COQ9: variants seen among roughly 807,000 people sequenced by gnomAD.
COQ9 encodes the protein ubiquinone biosynthesis protein COQ9, mitochondrial.
In COQ9, 35 loss-of-function variants were observed where a neutral mutation model predicts 42.4. The ratio of observed to expected loss-of-function variants is 0.83; its 90% CI spans 0.63 to 1.10. The LOEUF (loss-of-function observed/expected upper bound fraction) is 1.10. COQ9 is among the 50% of genes least tolerant of loss of function. The probability of loss-of-function intolerance (pLI) is 0.00; values close to 1 mark genes in which losing one functional copy is unlikely to be tolerated. For missense variants in COQ9, 406 were observed against 414.6 expected (o/e 0.98, Z 0.18); for synonymous variants, 155 against 155.1 (o/e 1.00, Z 0.00).
At position 57,456,971 on chromosome 16, in the gene COQ9, A is replaced by G; in HGVS notation, c.562A>G (p.Thr188Ala). The change falls in exon 5 of 9, where the codon ACC becomes GCC. Residue 188 changes from threonine (T) to alanine (A), a missense_variant. By Grantham distance (58) the Thr-to-Ala change is moderately conservative. Transcript: ENST00000262507. ...TDQFLRDAVE[T>A]RLRMLIPYIE... Reference sequence around the variant, plus strand: ...CCAGTTCCTGAGGGATGCAGTGGAAACCAGACTGAGAATGCTGATCCCATA... The same window carrying G: ...CCAGTTCCTGAGGGATGCAGTGGAAGCCAGACTGAGAATGCTGATCCCATA... 6.2e-7 allele frequency: 1 copy of G among 1,614,158 alleles called. No homozygotes were observed. Among genetic ancestry groups the G allele is most frequent in the South Asian group, 1.1e-5 (1 of 91,084 alleles).
In COQ9 at chr16:57,460,033, G is replaced by T; in HGVS notation, c.868-18G>T. ...TTGTGTTGGTGGCCTAAGGGAACCT[G>T]ACACTGACTCCTTCTAGGTAAAGTC... On this transcript the variant is annotated intron_variant, in intron 7 of 8. Transcript: ENST00000262507. 6.2e-7 allele frequency: 1 copy of T among 1,613,702 alleles called. No homozygotes were observed. The highest frequency in any genetic ancestry group is 1.1e-5 in the South Asian group (1 of 91,014).
chr16:57,454,757 G>A (rs1156564515), intron 3 of COQ9, among the ~76,000 whole-genome samples: 1 of 152,104 alleles, frequency 6.6e-6, no homozygotes, highest in Non-Finnish European at 1.5e-5. Context: ...GTAGGAGATG[G>A]ACAAGTCCAA....
At chr16:57,458,482 G>T in intron 6 of COQ9, 132 bp downstream of exon 6, 1 of 734,604 alleles carries the variant, frequency 1.4e-6, no homozygotes. Flanking sequence ...TCTAAGGTAT[G>T]AGGAAGGTCC....
intron 8 of COQ9, 71 bp from the exon 9 acceptor site, chr16:57,460,518 A>C: frequency 7.1e-7 from 1 of 1,403,830 alleles, no homozygotes; most frequent in Non-Finnish European, 1.0e-6. Flanking sequence ...AAGAAAAGCT[A>C]GGTCTTTTCT....
chr16:57,456,862 A>G, intron 4 of COQ9, 69 bp from the exon 5 acceptor site: 2 of 1,447,724 alleles, frequency 1.4e-6, no homozygotes, highest in Non-Finnish European at 1.9e-6. Flanking sequence ...CCTAGGGCTG[A>G]GTAAACCGTG....
intron 6 of COQ9, 98 bp from the exon 7 acceptor site, chr16:57,459,464 CAAG>C: frequency 8.5e-7 from 1 of 1,173,724 alleles, no homozygotes. Flanking sequence ...CTGTGACAGT[CAAG>C]AAGTAGTCAA....
At chr16:57,451,883 T>G (rs2030297139) in intron 2 of COQ9, among the ~76,000 whole-genome samples, 1 of 152,220 alleles carries the variant, frequency 6.6e-6, no homozygotes, top group Non-Finnish European at 1.5e-5. Context: ...GAATCTCTCC[T>G]TAGAAGTGGG....
chr16:57,452,069 C>T (rs2030302046), intron 2 of COQ9, among the ~76,000 whole-genome samples: 1 of 152,104 alleles, frequency 6.6e-6, no homozygotes, highest in Non-Finnish European at 1.5e-5. Context: ...TTCTGATTTC[C>T]TAACTAAAGT....
In COQ9 at chr16:57,458,361, T is replaced by C; in HGVS notation, c.711+11T>C. On this transcript the variant is annotated intron_variant, in intron 6 of 8. Coordinates refer to ENST00000262507, the MANE Select transcript of COQ9 (RefSeq NM_020312.4). The stretch of plus-strand genomic sequence containing the variant: ...GACCAGTCCACTGATGTGAGTGCTT[T>C]CTGCAGGCCCACAGGAGGCTGGGAA... 1 of 1,578,744 alleles carries C rather than the reference T, an allele frequency of 6.3e-7. No individual in the cohort carries two copies. Among genetic ancestry groups the C allele is most frequent in the Non-Finnish European group, 8.7e-7 (1 of 1,149,990 alleles).
At position 57,452,854 on chromosome 16, in the gene COQ9, T is replaced by TGCA. The variant is rs1316076838; in HGVS notation, c.300_302dup (p.Gln100dup). On this transcript the variant is annotated inframe_insertion, in exon 3 of 9. Transcript: ENST00000262507. ...GAGGACTATGAAAGTGAGGAGCAGT[T>TGCA]GCAGCACCGCATCCTGACGGCAGCC... is the stretch of plus-strand genomic sequence containing the variant. The TGCA allele has an allele frequency of 1.2e-6, 2 of 1,613,646 alleles. No homozygotes were observed. The highest frequency in any genetic ancestry group is 3.3e-5 in the Admixed American group (2 of 60,002).
chr16:57,450,234 C>T (rs989428998), intron 1 of COQ9, among the ~76,000 whole-genome samples: 1 of 151,856 alleles, frequency 6.6e-6, no homozygotes, highest in Admixed American at 6.5e-5. Flanking sequence ...GCCAACATGG[C>T]GAAACTCCGT....
Position 57,456,508 on chromosome 16 carries a change from TG to T in COQ9, c.386del (p.Gly129ValfsTer17). ...TTTCTGTCTCCCCTTTTGTAGTCTC[TG>T]GGTCTCTCCAGTGCAGCAGCCAGCA... ...AEAIAEGAQS[L>X]GLSSAAASMF... On this transcript the variant is annotated frameshift_variant, in exon 4 of 9. Coordinates refer to ENST00000262507, the MANE Select transcript of COQ9 (RefSeq NM_020312.4). LOFTEE classifies it high-confidence loss of function. The T allele has an allele frequency of 6.2e-7, 1 of 1,614,170 alleles. No homozygotes were observed. The highest frequency in any genetic ancestry group is 1.1e-5 in the South Asian group (1 of 91,086).
chr16:57,451,021 T>A lies in COQ9; in HGVS notation c.74-19T>A. 6.2e-7 allele frequency: 1 copy of A among 1,613,450 alleles called. No homozygotes were observed. Among genetic ancestry groups the A allele is most frequent in the Non-Finnish European group, 8.5e-7 (1 of 1,179,952 alleles). On this transcript the variant is annotated intron_variant, in intron 1 of 8. Transcript: ENST00000262507. The stretch of plus-strand genomic sequence containing the variant: ...GTCTTCTCTGTTGAATGTCCCTGAC[T>A]GACCAGTTTCTGTTTCAGTGGCCCG...
chr16:57,456,374 C>G, intron 3 of COQ9, 130 bp from the exon 4 acceptor site: 1 of 1,113,228 alleles, frequency 9.0e-7, no homozygotes, highest in Non-Finnish European at 1.4e-6. Flanking sequence ...TCAGTTTCAC[C>G]AAAATCACAT....
intron 1 of COQ9, chr16:57,447,925 G>A (rs1221951450): frequency 4.5e-6 from 1 of 220,398 alleles, no homozygotes; most frequent in Non-Finnish European, 8.9e-6. Context: ...TCCACTGGAA[G>A]GACAGGTGGA....
chr16:57,453,815 A>C (rs1188322108), intron 3 of COQ9: 1 of 152,272 alleles, frequency 6.6e-6, no homozygotes. Flanking sequence ...CATACTATCA[A>C]CATTTATGCC....
Position 57,452,931 on chromosome 16 carries a change from G to T in COQ9, c.373G>T (p.Ala125Ser). The T allele has an allele frequency of 1.2e-6, 2 of 1,613,502 alleles. No homozygotes were observed. Among genetic ancestry groups the T allele is most frequent in the South Asian group, 2.2e-5 (2 of 91,046 alleles). Residue 125 changes from alanine (A) to serine (S), a missense_variant, in exon 3 of 9, where the codon GCC becomes TCC. Physicochemically the swap from Ala to Ser is moderately conservative, Grantham distance 99 (BLOSUM62 1). Coordinates refer to ENST00000262507, the MANE Select transcript of COQ9 (RefSeq NM_020312.4). ...GWTAEAIAEG[A>S]QSLGLSSAAA... ...GACAGCAGAGGCGATTGCAGAAGGA[G>T]CCCAGGTGTGTATAGGTGAGGGTGG...
At position 57,460,054 on chromosome 16, in the gene COQ9, A is replaced by T; in HGVS notation, c.871A>T (p.Lys291Ter). Reference sequence around the variant, plus strand: ...ACCTGACACTGACTCCTTCTAGGTAAAGTCCACAGGAGAGGCACTGGTGCA... The same window carrying T: ...ACCTGACACTGACTCCTTCTAGGTATAGTCCACAGGAGAGGCACTGGTGCA... Reference protein sequence around the residue: ...MNMGHTAKQVKSTGEALVQGL... With the variant: ...MNMGHTAKQV Residue 291 changes from lysine (K) to a stop codon, truncating the protein, a stop_gained, in exon 8 of 9, where the codon AAG becomes TAG. Transcript: ENST00000262507. LOFTEE classifies it high-confidence loss of function. 4.3e-6 allele frequency: 7 copies of T among 1,613,996 alleles called. No homozygotes were observed. The highest frequency in any genetic ancestry group is 5.9e-6 in the Non-Finnish European group (7 of 1,179,974).
intron 1 of COQ9, among the ~76,000 whole-genome samples, chr16:57,449,647 A>G (rs978949843): frequency 2.0e-5 from 3 of 152,058 alleles, no homozygotes; most frequent in Non-Finnish European, 4.4e-5. Context: ...AAATATATAT[A>G]TATACACACA....
Sources: allele counts gnomAD v4.1 joint callset (sites outside exome capture counted in the v4.1 genomes callset), GRCh38; gene constraint gnomAD v4.1.1; transcripts MANE v1.5; gene names NCBI Gene and HGNC (gene_info 2026-07-23, HGNC 2026-07-21).